LRRTM4: variants seen among roughly 807,000 people sequenced by gnomAD.
LRRTM4 encodes the protein leucine rich repeat transmembrane neuronal 4.
In LRRTM4, 25 loss-of-function variants were observed where a neutral mutation model predicts 47.6. That is an observed-to-expected ratio of 0.53 (90% CI 0.38 to 0.73). LRRTM4 has a LOEUF of 0.73. Ranked by LOEUF, LRRTM4 falls within the 30% of genes least tolerant of loss-of-function variation. LRRTM4 has a pLI of 0.00. For missense variants in LRRTM4, 638 were observed against 713.4 expected, an observed-to-expected ratio of 0.89 and a Z score of 1.20; for synonymous variants, 311 against 269.5, an observed-to-expected ratio of 1.15 and a Z score of -1.51.
chr2:77,117,200 T>C (rs1400856460), intron 3 of LRRTM4, among the ~76,000 whole-genome samples: 1 of 151,954 alleles, frequency 6.6e-6, no homozygotes, highest in Non-Finnish European at 1.5e-5. Context: ...TTGATGGACA[T>C]TAGATTTATT....
chr2:77,176,816 C>A (rs1006092709), intron 3 of LRRTM4, among the ~76,000 whole-genome samples: 2 of 152,080 alleles, frequency 1.3e-5, no homozygotes, highest in African/African-American at 4.8e-5. Flanking sequence ...TCGCTAAGAC[C>A]CCACTGGTGA....
At chr2:77,016,920 T>C (rs887996416) in intron 3 of LRRTM4, among the ~76,000 whole-genome samples, 1 of 152,086 alleles carries the variant, frequency 6.6e-6, no homozygotes, top group African/African-American at 2.4e-5. Context: ...GAGAAATGTG[T>C]AGCAGCACTC....
chr2:77,210,868 C>T (rs985063156), intron 3 of LRRTM4, among the ~76,000 whole-genome samples: 6 of 152,136 alleles, frequency 3.9e-5, no homozygotes, highest in Non-Finnish European at 8.8e-5. Context: ...GGAGCATGAA[C>T]AGAGGCAGAG....
chr2:77,034,002 G>C (rs772436400), intron 3 of LRRTM4, among the ~76,000 whole-genome samples: 1 of 151,560 alleles, frequency 6.6e-6, no homozygotes, highest in African/African-American at 2.4e-5. Flanking sequence ...TAATATAAAA[G>C]TATGCTTAGT....
chr2:77,442,498 C>A (rs1675883360), intron 3 of LRRTM4, among the ~76,000 whole-genome samples: 1 of 152,162 alleles, frequency 6.6e-6, no homozygotes, highest in African/African-American at 2.4e-5. Context: ...ATACCACCTA[C>A]AAATTGGCAT....
intron 3 of LRRTM4, among the ~76,000 whole-genome samples, chr2:76,949,562 G>A (rs1329603087): frequency 1.3e-5 from 2 of 151,878 alleles, no homozygotes; most frequent in Admixed American, 6.6e-5. Flanking sequence ...GCTGTTGAAG[G>A]TGGCATGAAA....
intron 3 of LRRTM4, among the ~76,000 whole-genome samples, chr2:77,004,474 T>G (rs1440966105): frequency 6.6e-6 from 1 of 152,160 alleles, no homozygotes; most frequent in Admixed American, 6.5e-5. Flanking sequence ...TTGAGGTTTG[T>G]GAACCTTTGC....
At chr2:77,058,442 G>C (rs181556782) in intron 3 of LRRTM4, among the ~76,000 whole-genome samples, 1 of 152,058 alleles carries the variant, frequency 6.6e-6, no homozygotes, top group East Asian at 1.9e-4. Context: ...ATAAATCCTT[G>C]GAATCCAACT....
At chr2:76,832,754 G>A (rs112242166) in intron 3 of LRRTM4, among the ~76,000 whole-genome samples, 2 of 151,970 alleles carry the variant, frequency 1.3e-5, no homozygotes, top group East Asian at 1.9e-4. Flanking sequence ...CATTTCTAAC[G>A]TACCTAAAAA....
chr2:76,752,473 T>C (rs2104056061), intron 3 of LRRTM4, among the ~76,000 whole-genome samples: 1 of 152,296 alleles, frequency 6.6e-6, no homozygotes, highest in Middle Eastern at 3.4e-3. Flanking sequence ...AGGGCTCATG[T>C]CATTTTCTCT....
intron 3 of LRRTM4, among the ~76,000 whole-genome samples, chr2:76,840,845 A>G (rs1374666116): frequency 6.6e-6 from 1 of 152,100 alleles, no homozygotes; most frequent in African/African-American, 2.4e-5. Flanking sequence ...AACTAGTTCA[A>G]CCATTGTGGA....
At chr2:76,874,726 A>G (rs1000612296) in intron 3 of LRRTM4, among the ~76,000 whole-genome samples, 4 of 151,902 alleles carry the variant, frequency 2.6e-5, no homozygotes, top group African/African-American at 9.7e-5. Flanking sequence ...TGACTTCTTC[A>G]GAATAAATTC....
At chr2:77,041,772 G>A (rs540611421) in intron 3 of LRRTM4, among the ~76,000 whole-genome samples, 11 of 149,126 alleles carry the variant, frequency 7.4e-5, no homozygotes, top group African/African-American at 2.7e-4. Flanking sequence ...AATTGTTTGA[G>A]TTTTTAATAT....
At chr2:77,468,079 C>A (rs1321923741) in intron 3 of LRRTM4, among the ~76,000 whole-genome samples, 1 of 152,072 alleles carries the variant, frequency 6.6e-6, no homozygotes, top group East Asian at 1.9e-4. Flanking sequence ...CATGCTGTTA[C>A]AAATATCCAT....
rs1558667279 is a variant in LRRTM4, at chr2:76,807,411, T to TATATATACACACAC, written c.1552-58496_1552-58495insGTGTGTGTATATAT. On this transcript the variant is annotated intron_variant, in intron 3 of 3. Transcript: ENST00000409884. The stretch of plus-strand genomic sequence containing the variant: ...ATATATATATATATGTATATACGTA[T>TATATATACACACAC]ATATATATATATACATATATATATA... Among the ~76,000 whole-genome samples the TATATATACACACAC allele has an allele frequency of 2.2e-3, 187 of 86,008 alleles. 6 individuals carry two copies. In the South Asian group the frequency reaches 0.043, roughly 20 times the overall value. The allele number at this position is 86,008 out of a possible 152,430, so 56.4% of individuals were successfully genotyped here.
chr2:77,168,009 C>T (rs919398259), intron 3 of LRRTM4, among the ~76,000 whole-genome samples: 31 of 151,968 alleles, frequency 2.0e-4, no homozygotes, highest in African/African-American at 5.6e-4. Flanking sequence ...TATAGGGAAT[C>T]TGTTTTTTCC....
chr2:77,183,274 A>G (rs948003708), intron 3 of LRRTM4, among the ~76,000 whole-genome samples: 2 of 152,214 alleles, frequency 1.3e-5, no homozygotes, highest in Admixed American at 1.3e-4. Flanking sequence ...GGTGAAGGAT[A>G]TGAACAGACA....
chr2:77,254,557 T>C (rs929227343), intron 3 of LRRTM4, among the ~76,000 whole-genome samples: 7 of 151,926 alleles, frequency 4.6e-5, no homozygotes, highest in Non-Finnish European at 1.0e-4. Context: ...TCTATTGAGT[T>C]TTCTATATTA....
At chr2:76,902,786 A>T (rs1250406215) in intron 3 of LRRTM4, among the ~76,000 whole-genome samples, 1 of 152,154 alleles carries the variant, frequency 6.6e-6, no homozygotes, top group Non-Finnish European at 1.5e-5. Context: ...CCTAGTTTTA[A>T]ACTATTCTAT....
Sources: allele counts gnomAD v4.1 joint callset (sites outside exome capture counted in the v4.1 genomes callset), GRCh38; gene constraint gnomAD v4.1.1; transcripts MANE v1.5; gene names NCBI Gene and HGNC (gene_info 2026-07-23, HGNC 2026-07-21).